The following RTN1 variants were observed in gnomAD, a reference collection of about 807,000 sequenced individuals.
RTN1 encodes reticulon 1.
A neutral mutation model predicts 65.5 loss-of-function variants in RTN1; 25 were observed. The observed-to-expected ratio is 0.38, with a 90% CI of 0.28 to 0.53. The LOEUF is 0.53. Among genes scored for constraint, RTN1 ranks in the 20% least tolerant of loss-of-function variants. The pLI is 0.79. For missense variants in RTN1, 983 were observed against 1,025.4 expected (o/e 0.96, Z 0.57); for synonymous variants, 471 against 447.6 (o/e 1.05, Z -0.66).
rs575034219 is a variant in RTN1, at chr14:59,827,323, C to T, written c.241+43067G>A. Among the ~76,000 whole-genome samples, 16 of 152,258 alleles carry T rather than the reference C, an allele frequency of 1.1e-4. No individual in the cohort carries two copies. In the South Asian group the frequency reaches 3.3e-3, roughly 32 times the overall value. ...TCAATCTCCTGACCTCGTGATCCGC[C>T]GGCCTCGGCCTCCCAAAGTGCTGAG... On this transcript the variant is annotated intron_variant, in intron 1 of 8. Coordinates refer to ENST00000267484, the MANE Select transcript of RTN1 (RefSeq NM_021136.3).
At chr14:59,684,680 T>G (rs2140223916) in intron 3 of RTN1, among the ~76,000 whole-genome samples, 1 of 152,272 alleles carries the variant, frequency 6.6e-6, no homozygotes, top group South Asian at 2.1e-4. Flanking sequence ...GAATTTAGTT[T>G]TGTTAGGATT....
Position 59,761,872 on chromosome 14 carries a change from A to G in RTN1, c.242-15391T>C, listed in dbSNP as rs1885754663. Among the ~76,000 whole-genome samples the G allele has an allele frequency of 2.0e-5, 3 of 152,196 alleles. 1 individual carries two copies. In the South Asian group the frequency reaches 6.2e-4, roughly 32 times the overall value. On this transcript the variant is annotated intron_variant, in intron 1 of 8. Coordinates refer to ENST00000267484, the MANE Select transcript of RTN1 (RefSeq NM_021136.3). The stretch of plus-strand genomic sequence containing the variant: ...GATTTTGTGCCAGTGTTGGGAATTG[A>G]ACATGCGTCTCTGGGACCTAAAGCA...
At chr14:59,824,222 A>AT (rs1209171523) in intron 1 of RTN1, among the ~76,000 whole-genome samples, 1 of 152,250 alleles carries the variant, frequency 6.6e-6, no homozygotes, top group African/African-American at 2.4e-5. Context: ...AAGTACTCCT[A>AT]TTAAGTTTTA....
chr14:59,658,573 C>T (rs1883175021), intron 3 of RTN1, among the ~76,000 whole-genome samples: 1 of 152,196 alleles, frequency 6.6e-6, no homozygotes, highest in Non-Finnish European at 1.5e-5. Flanking sequence ...GCAGCCTCCA[C>T]TGGTGATACC....
At chr14:59,628,776 T>A (rs931143658) in intron 3 of RTN1, among the ~76,000 whole-genome samples, 1 of 152,176 alleles carries the variant, frequency 6.6e-6, no homozygotes, top group Non-Finnish European at 1.5e-5. Context: ...CTCGGAGACA[T>A]AAACTGAGGC....
At chr14:59,675,612 T>A (rs961889320) in intron 3 of RTN1, among the ~76,000 whole-genome samples, 1 of 150,428 alleles carries the variant, frequency 6.6e-6, no homozygotes, top group Non-Finnish European at 1.5e-5. Flanking sequence ...AATTTAATAA[T>A]AAATTATTAT....
intron 1 of RTN1, among the ~76,000 whole-genome samples, chr14:59,749,982 A>ATATTACATACATATATTATC (rs1885406654): frequency 2.3e-5 from 2 of 86,534 alleles, no homozygotes; most frequent in African/African-American, 9.9e-5. Flanking sequence ...CATATATTAT[A>ATATTACATACATATATTATC]TATTATATAC....
chr14:59,713,701 A>G (rs1209056185), intron 3 of RTN1, among the ~76,000 whole-genome samples: 1 of 152,210 alleles, frequency 6.6e-6, no homozygotes. Flanking sequence ...GGTGTCTCCT[A>G]GCTTTTAGAG....
chr14:59,815,718 C>T (rs1886808303), intron 1 of RTN1, among the ~76,000 whole-genome samples: 2 of 152,170 alleles, frequency 1.3e-5, no homozygotes, highest in African/African-American at 2.4e-5. Flanking sequence ...TTCTCCTGTC[C>T]TGTTGGAGAA....
At chr14:59,725,915 G>A (rs969495706) in intron 3 of RTN1, among the ~76,000 whole-genome samples, 1 of 152,212 alleles carries the variant, frequency 6.6e-6, no homozygotes, top group Non-Finnish European at 1.5e-5. Flanking sequence ...AAAGGAAAAG[G>A]CAAAGAAAGC....
At chr14:59,764,848 T>A (rs1306220095) in intron 1 of RTN1, among the ~76,000 whole-genome samples, 1 of 152,160 alleles carries the variant, frequency 6.6e-6, no homozygotes, top group African/African-American at 2.4e-5. Flanking sequence ...TACATTTCAG[T>A]ATATAAGGAT....
chr14:59,669,317 G>C (rs956247816), intron 3 of RTN1, among the ~76,000 whole-genome samples: 2 of 152,082 alleles, frequency 1.3e-5, no homozygotes, highest in Non-Finnish European at 2.9e-5. Flanking sequence ...GACATGGATG[G>C]AGTTGGAAAT....
At chr14:59,702,540 G>T (rs1247843064) in intron 3 of RTN1, among the ~76,000 whole-genome samples, 1 of 152,286 alleles carries the variant, frequency 6.6e-6, no homozygotes, top group South Asian at 2.1e-4. Flanking sequence ...ACCCAAAACT[G>T]TGGAGTCATC....
chr14:59,865,549 T>C (rs1887784112), intron 1 of RTN1, among the ~76,000 whole-genome samples: 1 of 152,208 alleles, frequency 6.6e-6, no homozygotes, highest in African/African-American at 2.4e-5. Context: ...TCCCTCCCTT[T>C]TCTCATACCC....
chr14:59,777,822 CA>C (rs34532344), intron 1 of RTN1, among the ~76,000 whole-genome samples: 4,433 of 147,272 alleles, frequency 0.03, 96 homozygotes, highest in Non-Finnish European at 0.042. Flanking sequence ...ACAACAACAA[CA>C]AAAAAAAAAA....
chr14:59,789,150 C>T (rs973260870), intron 1 of RTN1, among the ~76,000 whole-genome samples: 3 of 151,750 alleles, frequency 2.0e-5, no homozygotes, highest in Non-Finnish European at 4.4e-5. Flanking sequence ...ATTCATCTTA[C>T]CATATTCTTT....
intron 2 of RTN1, among the ~76,000 whole-genome samples, chr14:59,745,396 C>G: frequency 6.6e-6 from 1 of 152,036 alleles, no homozygotes; most frequent in East Asian, 1.9e-4. Context: ...CTGCTCTGGA[C>G]AGTAGGGCTG....
intron 1 of RTN1, among the ~76,000 whole-genome samples, chr14:59,824,155 G>A (rs1886990773): frequency 6.6e-6 from 1 of 152,136 alleles, no homozygotes; most frequent in African/African-American, 2.4e-5. Flanking sequence ...AGATTCAATA[G>A]ATGATAACTA....
intron 1 of RTN1, among the ~76,000 whole-genome samples, chr14:59,838,116 A>G (rs1887246295): frequency 6.6e-6 from 1 of 152,100 alleles, no homozygotes. Context: ...TCTCCCCTCT[A>G]GTAGTCCTCA....
Sources: gnomAD v4.1 joint callset for allele counts (sites outside exome capture counted in the v4.1 genomes callset) on GRCh38, gnomAD v4.1.1 for gene constraint, MANE v1.5 for transcripts, NCBI Gene and HGNC (gene_info 2026-07-23, HGNC 2026-07-21) for gene names.